Variants in LDAH observed in about 807,000 individuals in gnomAD.
LDAH encodes lipid droplet-associated hydrolase.
LDAH carries 26 observed loss-of-function variants against 29.6 expected under a neutral mutation model. The ratio of observed to expected loss-of-function variants is 0.88; its 90% CI spans 0.64 to 1.22. The LOEUF (loss-of-function observed/expected upper bound fraction) is 1.22, where lower values mean the gene tolerates loss of function less well. Among genes scored for constraint, LDAH ranks in the 50% most tolerant of loss-of-function variants. The pLI is 0.00. For synonymous variants in LDAH, 117 were observed against 133.0 expected (o/e 0.88, Z 0.83); for missense variants, 344 against 387.3 (o/e 0.89, Z 0.94).
Position 20,686,816 on chromosome 2 carries a change from G to C in LDAH, c.*87C>G. 3 of 1,195,594 alleles carry C rather than the reference G, an allele frequency of 2.5e-6. No individual in the cohort carries two copies. The highest frequency in any genetic ancestry group is 2.4e-6 in the Non-Finnish European group (2 of 847,900). The allele number at this position is 1,195,594 out of a possible 1,614,324, so 74.1% of individuals were successfully genotyped here. A position where few individuals can be genotyped will look rare whatever the true frequency, so the allele number is the denominator to read the frequency against. On this transcript the variant is annotated 3_prime_UTR_variant, in exon 7 of 7. Transcript: ENST00000237822. ...CTCACTTTCTTCATTTCTAATATCA[G>C]TCTTCAAAATTAAACATTTACCTAC...
At chr2:20,780,205 A>C (rs115686371) in intron 3 of LDAH, among the ~76,000 whole-genome samples, 3,950 of 152,276 alleles carry the variant, frequency 0.026, 165 homozygotes, top group African/African-American at 0.091. Flanking sequence ...TTTAGAAAAC[A>C]AATTTCAAAA....
intron 2 of LDAH, among the ~76,000 whole-genome samples, chr2:20,800,048 T>G (rs1671560241): frequency 6.6e-6 from 1 of 152,196 alleles, no homozygotes; most frequent in South Asian, 2.1e-4. Context: ...GACCATGTAA[T>G]AAGCCATCCA....
chr2:20,765,819 G>C (rs1668994777), intron 4 of LDAH, among the ~76,000 whole-genome samples: 1 of 152,174 alleles, frequency 6.6e-6, no homozygotes. Flanking sequence ...GGAAATAGAA[G>C]CTCCTAGTCC....
At chr2:20,750,982 G>C (rs1468428382) in intron 4 of LDAH, among the ~76,000 whole-genome samples, 3 of 152,140 alleles carry the variant, frequency 2.0e-5, no homozygotes, top group Non-Finnish European at 4.4e-5. Context: ...ATAAATATGG[G>C]AACAATAAAC....
intron 3 of LDAH, among the ~76,000 whole-genome samples, chr2:20,780,032 C>A (rs939910348): frequency 6.6e-6 from 1 of 152,140 alleles, no homozygotes; most frequent in Non-Finnish European, 1.5e-5. Context: ...CCTGAGGTTA[C>A]TAGGCTGAAG....
At chr2:20,711,246 G>A (rs890900094) in intron 5 of LDAH, among the ~76,000 whole-genome samples, 8 of 152,050 alleles carry the variant, frequency 5.3e-5, no homozygotes, top group African/African-American at 1.9e-4. Flanking sequence ...AAATTAGCCA[G>A]GCGTGGTGGT....
Position 20,801,317 on chromosome 2 carries a change from A to C in LDAH, c.147T>G (p.Ile49Met). The C allele has an allele frequency of 6.2e-7, 1 of 1,613,444 alleles. No individual in the cohort carries two copies. The highest frequency in any genetic ancestry group is 1.3e-5 in the African/African-American group (1 of 75,002). ...SVKRPKLLIF[I>M]IPGNPGFSAF... Reference sequence around the variant, plus strand: ...CCAGACTTTTACGCTCACCAGGAATAATGAAAATAAGCAGCTTAGGCCTTT... The same window carrying C: ...CCAGACTTTTACGCTCACCAGGAATCATGAAAATAAGCAGCTTAGGCCTTT... The change falls in exon 2 of 7, where the codon ATT becomes ATG. Residue 49 changes from isoleucine (I) to methionine (M), a missense_variant. By Grantham distance (10) the Ile-to-Met change is conservative. Transcript: ENST00000237822.
chr2:20,779,355 G>C (rs1048196988), intron 3 of LDAH, among the ~76,000 whole-genome samples: 3 of 152,052 alleles, frequency 2.0e-5, no homozygotes, highest in Admixed American at 1.3e-4. Context: ...GTTGAGGGGT[G>C]GGGCGGTGAG....
At chr2:20,734,794 C>T (rs1358291299) in intron 5 of LDAH, among the ~76,000 whole-genome samples, 1 of 152,210 alleles carries the variant, frequency 6.6e-6, no homozygotes, top group Non-Finnish European at 1.5e-5. Context: ...GAGAGAACTT[C>T]CTGCAGTTAT....
intron 3 of LDAH, among the ~76,000 whole-genome samples, chr2:20,787,725 C>A (rs1193023904): frequency 6.6e-6 from 1 of 151,988 alleles, no homozygotes; most frequent in Non-Finnish European, 1.5e-5. Flanking sequence ...ATAACATATG[C>A]CAAATACAAG....
chr2:20,798,110 A>G (rs1458754241), intron 2 of LDAH, among the ~76,000 whole-genome samples: 1 of 152,226 alleles, frequency 6.6e-6, no homozygotes, highest in Non-Finnish European at 1.5e-5. Flanking sequence ...TTTTCCTCCT[A>G]AAGAAAAATT....
chr2:20,735,075 A>G (rs1202183075), intron 5 of LDAH, among the ~76,000 whole-genome samples: 2 of 152,138 alleles, frequency 1.3e-5, no homozygotes, highest in African/African-American at 2.4e-5. Context: ...TTTAGTTTTC[A>G]AAAGCTTGGT....
Position 20,686,703 on chromosome 2 carries a change from A to C in LDAH, c.*200T>G. 2.3e-6 allele frequency: 1 copy of C among 432,860 alleles called. No homozygotes were observed. Among genetic ancestry groups the C allele is most frequent in the South Asian group, 3.6e-5 (1 of 28,104 alleles). The allele number at this position is 432,860 out of a possible 1,614,324, so 26.8% of individuals were successfully genotyped here. On this transcript the variant is annotated 3_prime_UTR_variant, in exon 7 of 7. Coordinates refer to ENST00000237822, the MANE Select transcript of LDAH (RefSeq NM_021925.4). ...GTGTTCCCTGAGTCTTGGAAAATGT[A>C]TGGTTAAACCTATGGAATGATTCAT...
intron 1 of LDAH, among the ~76,000 whole-genome samples, chr2:20,807,012 C>G (rs956873683): frequency 6.6e-5 from 10 of 151,744 alleles, no homozygotes; most frequent in Non-Finnish European, 1.2e-4. Context: ...TTTGAAAACA[C>G]CTATAAATAA....
intron 3 of LDAH, 79 bp from the exon 4 acceptor site, chr2:20,775,058 T>C: frequency 7.7e-7 from 1 of 1,299,926 alleles, no homozygotes. Context: ...ATAACAATCA[T>C]GATAAAAAGC....
intron 5 of LDAH, among the ~76,000 whole-genome samples, chr2:20,721,274 T>C (rs1665626694): frequency 6.6e-6 from 1 of 151,976 alleles, no homozygotes; most frequent in Non-Finnish European, 1.5e-5. Flanking sequence ...CTCAAACAAC[T>C]CAATAGCATG....
chr2:20,755,989 C>T (rs948749307), intron 4 of LDAH, among the ~76,000 whole-genome samples: 2 of 152,136 alleles, frequency 1.3e-5, no homozygotes, highest in Non-Finnish European at 2.9e-5. Context: ...CTGACCAAAC[C>T]CACTCCCATA....
At chr2:20,768,752 T>C (rs1669216885) in intron 4 of LDAH, among the ~76,000 whole-genome samples, 1 of 152,222 alleles carries the variant, frequency 6.6e-6, no homozygotes, top group Non-Finnish European at 1.5e-5. Context: ...ATTCCGCTGA[T>C]ACACATCTAT....
chr2:20,735,200 T>C (rs1228412336), intron 5 of LDAH, among the ~76,000 whole-genome samples: 1 of 152,216 alleles, frequency 6.6e-6, no homozygotes, highest in Non-Finnish European at 1.5e-5. Context: ...CCATTATTTC[T>C]TTGAACACTT....
Sources: allele counts gnomAD v4.1 joint callset (sites outside exome capture counted in the v4.1 genomes callset), GRCh38; gene constraint gnomAD v4.1.1; transcripts MANE v1.5; gene names NCBI Gene and HGNC (gene_info 2026-07-23, HGNC 2026-07-21).